Variants in CLU observed in about 807,000 individuals in gnomAD.
CLU encodes clusterin.
Under a neutral mutation model 46.4 loss-of-function variants are expected in CLU, and 25 were observed. The ratio of observed to expected loss-of-function variants is 0.54; its 90% CI spans 0.39 to 0.75. CLU has a LOEUF of 0.75. Among genes scored for constraint, CLU ranks in the 30% least tolerant of loss-of-function variants. The probability of loss-of-function intolerance (pLI) is 0.00; values close to 1 mark genes in which losing one functional copy is unlikely to be tolerated. For synonymous variants in CLU, 235 were observed against 235.1 expected (o/e 1.00, Z 0.00); for missense variants, 504 against 592.1 (o/e 0.85, Z 1.54).
chr8:27,607,771 ACAC>A (rs1216390776), intron 3 of CLU, among the ~76,000 whole-genome samples: 13 of 149,244 alleles, frequency 8.7e-5, no homozygotes. Flanking sequence ...TAGCCTATCC[ACAC>A]CCCAGAGTTA....
intron 1 of CLU, among the ~76,000 whole-genome samples, chr8:27,612,572 G>T (rs1001092572): frequency 2.0e-5 from 3 of 152,102 alleles, no homozygotes; most frequent in Non-Finnish European, 4.4e-5. Context: ...TGAAATGATT[G>T]ACCACTTTTT....
rs1480531275 is a variant in CLU, at chr8:27,613,534, A to G, written c.-30+1121T>C. 4.6e-5 allele frequency: 7 copies of G among 152,356 alleles called. 1 individual carries two copies. The South Asian group carries it at 1.2e-3, about 27-fold the overall frequency. The allele number at this position is 152,356 out of a possible 1,614,324, so 9.4% of individuals were successfully genotyped here. On this transcript the variant is annotated intron_variant, in intron 1 of 8. Transcript: ENST00000316403. The stretch of plus-strand genomic sequence containing the variant: ...GCCCCGGCTCCTATCTGCTTCTTCA[A>G]ATGGAGAAAACTAAACCAAAAGGAA...
chr8:27,607,445 G>A (rs1288854996), intron 3 of CLU, among the ~76,000 whole-genome samples: 1 of 149,528 alleles, frequency 6.7e-6, no homozygotes, highest in African/African-American at 2.5e-5. Context: ...TTAGCTTATG[G>A]CAAAAAAAAA....
At chr8:27,608,732 A>G in intron 3 of CLU, 1 of 636,614 alleles carries the variant, frequency 1.6e-6, no homozygotes, top group East Asian at 2.7e-5. Context: ...GGCTCATAAC[A>G]AAACCAGATC....
chr8:27,614,513 C>A (rs1384864016), intron 1 of CLU, 142 bp downstream of exon 1: 3 of 360,830 alleles, frequency 8.3e-6, no homozygotes, highest in African/African-American at 2.2e-5. Flanking sequence ...ACCTCCCCTC[C>A]CTGGCTTCCT....
chr8:27,608,358 G>T (rs1463258998), intron 3 of CLU, among the ~76,000 whole-genome samples: 1 of 152,216 alleles, frequency 6.6e-6, no homozygotes, highest in Non-Finnish European at 1.5e-5. Context: ...CTGAAGTAGG[G>T]CGACCGTGAG....
chr8:27,607,877 G>A lies in CLU; in HGVS notation c.246+1061C>T, dbSNP rs545902796. Among the ~76,000 whole-genome samples the A allele has an allele frequency of 5.9e-5, 9 of 152,218 alleles. No homozygotes were observed. In the East Asian group the frequency reaches 1.3e-3, roughly 23 times the overall value. On this transcript the variant is annotated intron_variant, in intron 3 of 8. Coordinates refer to ENST00000316403, the MANE Select transcript of CLU (RefSeq NM_001831.4). ...GAGCCAAGACACAAGCGCCACCCCT[G>A]CTACCTACTTCCTTGCCTTCTGGCT...
Position 27,604,924 on chromosome 8 carries a change from C to G in CLU, c.829G>C (p.Glu277Gln). Reference sequence around the variant, plus strand: ...GCCATGAGCTTCCACCCCTTCTCACCTCGTATGAATTCTGTTGGCGGGTGC... The same window carrying G: ...GCCATGAGCTTCCACCCCTTCTCACGTCGTATGAATTCTGTTGGCGGGTGC... ...FQHPPTEFIR[E>Q]GDDDRTVCRE... The change falls in exon 5 of 9, where the codon GAA (glutamate) becomes CAA (glutamine). Residue 277 changes from glutamate (E) to glutamine (Q), a missense_variant and splice_region_variant. Around this residue, in one of 3 missense-constraint regions of CLU, gnomAD observed 428 missense variants for 484.0 expected, o/e 0.88. Coordinates refer to ENST00000316403, the MANE Select transcript of CLU (RefSeq NM_001831.4). 1 of 1,614,146 alleles carries G rather than the reference C, an allele frequency of 6.2e-7. No individual in the cohort carries two copies. Among genetic ancestry groups the G allele is most frequent in the Non-Finnish European group, 8.5e-7 (1 of 1,180,044 alleles).
At chr8:27,613,809 C>A (rs529709321) in intron 1 of CLU, 1 of 152,330 alleles carries the variant, frequency 6.6e-6, no homozygotes, top group African/African-American at 2.4e-5. Flanking sequence ...TATAACTTAA[C>A]ATTTTCATGG....
chr8:27,604,477 TA>T, intron 5 of CLU, 82 bp from the exon 6 acceptor site: 3 of 1,148,464 alleles, frequency 2.6e-6, no homozygotes. Flanking sequence ...TATTTTTATT[TA>T]TTTTTTAATT....
chr8:27,608,455 T>G (rs1800860506), intron 3 of CLU: 1 of 191,472 alleles, frequency 5.2e-6, no homozygotes, highest in Non-Finnish European at 1.1e-5. Context: ...TGTTGAATCA[T>G]TAAGCACAGG....
Position 27,599,618 on chromosome 8 carries a change from A to T in CLU, c.1164+162T>A. ...CTTTGCTCCTTTGTAAAGCAGGGTT[A>T]TATTTTCCCTGAGTGGGTGATGAGG... On this transcript the variant is annotated intron_variant, in intron 7 of 8. Transcript: ENST00000316403. This position sits in a 1 kb window ranked among gnomAD's most constrained non-coding sequence, Gnocchi z 4.0. The T allele has an allele frequency of 1.6e-6, 1 of 636,340 alleles. No homozygotes were observed. Among genetic ancestry groups the T allele is most frequent in the South Asian group, 1.8e-5 (1 of 55,176 alleles). The allele number at this position is 636,340 out of a possible 1,614,324, so 39.4% of individuals were successfully genotyped here.
chr8:27,598,387 T>G, intron 8 of CLU, 73 bp downstream of exon 8: 1 of 1,604,542 alleles, frequency 6.2e-7, no homozygotes, highest in Non-Finnish European at 8.5e-7. Flanking sequence ...GAGTCTGCAC[T>G]TTGTTTGTTT....
Position 27,604,989 on chromosome 8 carries a change from T to C in CLU, c.764A>G (p.Gln255Arg). 6.2e-7 allele frequency: 1 copy of C among 1,614,164 alleles called. No individual in the cohort carries two copies. Among genetic ancestry groups the C allele is most frequent in the South Asian group, 1.1e-5 (1 of 91,072 alleles). Residue 255 changes from glutamine (Q) to arginine (R), a missense_variant, in exon 5 of 9, where the codon CAG (glutamine) becomes CGG (arginine). Around this residue, in one of 3 missense-constraint regions of CLU, gnomAD observed 428 missense variants for 484.0 expected, o/e 0.88. Transcript: ENST00000316403. The stretch of plus-strand genomic sequence containing the variant: ...ATGGAAGTGGATGTCCATGGCCTGC[T>C]GAGCCTCGTGTATCATCTCAAGGAA... ...QPFLEMIHEA[Q>R]QAMDIHFHSP...
chr8:27,597,066 G>A lies in CLU; in HGVS notation c.*1175C>T, dbSNP rs747918540. The A allele has an allele frequency of 2.2e-6, 1 of 454,070 alleles. No individual in the cohort carries two copies. Among genetic ancestry groups the A allele is most frequent in the South Asian group, 1.6e-5 (1 of 64,470 alleles). 28.1% of individuals were successfully genotyped at this position (454,070 alleles called of 1,614,324 possible). On this transcript the variant is annotated 3_prime_UTR_variant, in exon 9 of 9. Coordinates refer to ENST00000316403, the MANE Select transcript of CLU (RefSeq NM_001831.4). Reference sequence around the variant, plus strand: ...GACTTTACTCTGAATTTCCTTGACAGCCATGCTAAAATACTTACCTTGGAC... The same window carrying A: ...GACTTTACTCTGAATTTCCTTGACAACCATGCTAAAATACTTACCTTGGAC...
chr8:27,604,851 C>T (rs567644173), intron 5 of CLU, 73 bp downstream of exon 5: 64 of 1,538,420 alleles, frequency 4.2e-5, no homozygotes, highest in African/African-American at 1.1e-4. Context: ...AGATGACACC[C>T]GCTGAGCCCT....
chr8:27,610,710 A>C (rs768417539), intron 1 of CLU, 110 bp from the exon 2 acceptor site: 48 of 784,314 alleles, frequency 6.1e-5, no homozygotes, highest in Non-Finnish European at 1.0e-4. Flanking sequence ...AGCTGTCCCC[A>C]CAGCAGGCAC....
chr8:27,610,066 T>G (rs1800894213), intron 2 of CLU, among the ~76,000 whole-genome samples: 2 of 152,104 alleles, frequency 1.3e-5, no homozygotes, highest in African/African-American at 4.8e-5. Flanking sequence ...TGATCTGGGT[T>G]TTTAACAATG....
chr8:27,598,527 T>C lies in CLU; in HGVS notation c.1273A>G (p.Arg425Gly), dbSNP rs1302845268. 6.2e-7 allele frequency: 1 copy of C among 1,614,160 alleles called. No homozygotes were observed. The highest frequency in any genetic ancestry group is 8.5e-7 in the Non-Finnish European group (1 of 1,180,034). The change falls in exon 8 of 9, where the codon AGG becomes GGG. Residue 425 changes from arginine to glycine, a missense_variant. Arg to Gly is a moderately radical substitution (Grantham distance 125). Around this residue, in one of 3 missense-constraint regions of CLU, gnomAD observed 428 missense variants for 484.0 expected, o/e 0.88. Transcript: ENST00000316403. Reference sequence around the variant, plus strand: ...GTCTCCATAAATTTAGGGTTCTTCCTGGAGACTTCTACAGGGACCGTCACA... The same window carrying C: ...GTCTCCATAAATTTAGGGTTCTTCCCGGAGACTTCTACAGGGACCGTCACA... ...ITVTVPVEVS[R>G]KNPKFMETVA... is the part of the protein sequence containing the mutation.
Sources: allele counts gnomAD v4.1 joint callset (sites outside exome capture counted in the v4.1 genomes callset), GRCh38; gene constraint gnomAD v4.1.1; regional missense constraint gnomAD v4.1.1; non-coding constraint Gnocchi (gnomAD v3.1); transcripts MANE v1.5; gene names NCBI Gene and HGNC (gene_info 2026-07-23, HGNC 2026-07-21).